Variants in GLIS1 observed in about 807,000 individuals in gnomAD.
The protein encoded by GLIS1 is GLIS family zinc finger 1.
A neutral mutation model predicts 63.8 loss-of-function variants in GLIS1; 24 were observed. The ratio of observed to expected loss-of-function variants is 0.38; its 90% CI spans 0.27 to 0.53. The LOEUF (loss-of-function observed/expected upper bound fraction) is 0.53. Ranked by LOEUF, GLIS1 falls within the 20% of genes least tolerant of loss-of-function variation. The pLI, the probability that GLIS1 is intolerant of heterozygous loss-of-function variation, is 0.85. For synonymous variants in GLIS1, 450 were observed against 482.5 expected, an observed-to-expected ratio of 0.93 and a Z score of 0.88; for missense variants, 1,036 against 1,074.1, an observed-to-expected ratio of 0.96 and a Z score of 0.50.
chr1:53,605,568 G>A (rs1338744444), intron 2 of GLIS1, among the ~76,000 whole-genome samples: 3 of 152,154 alleles, frequency 2.0e-5, no homozygotes, highest in African/African-American at 4.8e-5. Context: ...CATCACTATA[G>A]TACTCTCTAC....
chr1:53,543,825 G>C (rs1010421041), intron 4 of GLIS1, among the ~76,000 whole-genome samples: 6 of 152,086 alleles, frequency 3.9e-5, no homozygotes, highest in Non-Finnish European at 7.4e-5. Flanking sequence ...CTGCCGGCCA[G>C]GCAGGCCATC....
chr1:53,527,832 T>C lies in GLIS1; in HGVS notation c.1482+1959A>G, dbSNP rs1037082315. Among the ~76,000 whole-genome samples the C allele has an allele frequency of 9.2e-5, 14 of 152,074 alleles. 1 individual carries two copies. Among genetic ancestry groups the C allele is most frequent in the African/African-American group, 2.2e-4 (9 of 41,416 alleles). ...ACTTCCCAGGCTTCCAGGGGACCTCTTGGGGAGACGAAGGCCTGAGATAAG... is the reference window on the plus strand; with the variant it reads ...ACTTCCCAGGCTTCCAGGGGACCTCCTGGGGAGACGAAGGCCTGAGATAAG... On this transcript the variant is annotated intron_variant, in intron 5 of 10. Transcript: ENST00000628545.
At chr1:53,672,888 G>A (rs1185716847) in intron 2 of GLIS1, among the ~76,000 whole-genome samples, 1 of 152,240 alleles carries the variant, frequency 6.6e-6, no homozygotes, top group Non-Finnish European at 1.5e-5. Context: ...GCGCCCTGGA[G>A]CTGCTGTGGC....
rs536750785 is a variant in GLIS1, at chr1:53,617,382, T to G, written c.260-17104A>C. On this transcript the variant is annotated intron_variant, in intron 2 of 10. Coordinates refer to ENST00000628545, the MANE Select transcript of GLIS1 (RefSeq NM_001367484.1). ...CTAGAACATAGCTCCATTTTACATT[T>G]AAATACAAGTACTTTCTCATGGTTT... 3.3e-5 allele frequency among the ~76,000 whole-genome samples: 5 copies of G among 152,356 alleles called. No individual in the cohort carries two copies. The South Asian group carries it at 1.0e-3, about 32-fold the overall frequency.
chr1:53,604,131 G>T (rs1207280250), intron 2 of GLIS1, among the ~76,000 whole-genome samples: 1 of 152,226 alleles, frequency 6.6e-6, no homozygotes, highest in African/African-American at 2.4e-5. Flanking sequence ...CACAGTTAGT[G>T]CTTAAAAAGT....
At chr1:53,721,065 C>T (rs905926372) in intron 2 of GLIS1, among the ~76,000 whole-genome samples, 1 of 151,248 alleles carries the variant, frequency 6.6e-6, no homozygotes, top group Non-Finnish European at 1.5e-5. Context: ...AAAAGGAAAA[C>T]ACAAAAATCA....
At chr1:53,700,913 G>A (rs948579319) in intron 2 of GLIS1, among the ~76,000 whole-genome samples, 5 of 152,168 alleles carry the variant, frequency 3.3e-5, no homozygotes, top group Admixed American at 6.5e-5. Flanking sequence ...ACAGCATAAC[G>A]TTTCTAAGGC....
rs539975321 is a variant in GLIS1 at position 53,515,581 on chromosome 1, C to T, written c.1727-800G>A. Among the ~76,000 whole-genome samples the T allele has an allele frequency of 3.0e-4, 45 of 152,018 alleles. No individual in the cohort carries two copies. The South Asian group carries it at 7.7e-3, about 26-fold the overall frequency. On this transcript the variant is annotated intron_variant, in intron 7 of 10. Coordinates refer to ENST00000628545, the MANE Select transcript of GLIS1 (RefSeq NM_001367484.1). ...GCCACCTTTTATCACCTTTTACCCC[C>T]GAAAGTCTTACCCTTGTTAAGACAG...
intron 2 of GLIS1, among the ~76,000 whole-genome samples, chr1:53,635,715 A>G (rs1014121528): frequency 2.0e-5 from 3 of 152,178 alleles, no homozygotes; most frequent in Admixed American, 1.3e-4. Flanking sequence ...GACAAAGACC[A>G]CAAGAAAGAA....
intron 4 of GLIS1, among the ~76,000 whole-genome samples, chr1:53,537,403 G>T (rs998460460): frequency 2.0e-5 from 3 of 152,226 alleles, no homozygotes; most frequent in Non-Finnish European, 4.4e-5. Context: ...TCCTGGGGAA[G>T]AACCAAGGGC....
In GLIS1 at chr1:53,511,246, T is replaced by C. The variant is rs962385569; in HGVS notation, c.1884-1219A>G. Among the ~76,000 whole-genome samples the C allele has an allele frequency of 5.3e-5, 8 of 152,224 alleles. No homozygotes were observed. Among genetic ancestry groups the C allele is most frequent in the Non-Finnish European group, 1.2e-4 (8 of 68,042 alleles). On this transcript the variant is annotated intron_variant, in intron 8 of 10. Coordinates refer to ENST00000628545, the MANE Select transcript of GLIS1 (RefSeq NM_001367484.1). The surrounding 1 kb of genome is among the most constrained non-coding windows in gnomAD (Gnocchi z 4.2). ...TTGTTGGACCATCCACATTAAAATA[T>C]ACAGCGAATTCAATGTCACAGCTCC...
rs1646177676 is a variant in GLIS1 at position 53,673,472 on chromosome 1, G to A, written c.259+64334C>T. Among the ~76,000 whole-genome samples, 3 of 152,230 alleles carry A rather than the reference G, an allele frequency of 2.0e-5. 1 individual carries two copies. In the South Asian group the frequency reaches 6.2e-4, roughly 31 times the overall value. On this transcript the variant is annotated intron_variant, in intron 2 of 10. Transcript: ENST00000628545. ...CCTGACTACGCTCAGCAGCTGTGAG[G>A]TCCTGGGCAAGTCACCTCCTTCGGA...
intron 8 of GLIS1, among the ~76,000 whole-genome samples, chr1:53,512,971 C>T (rs1644313454): frequency 6.6e-6 from 1 of 152,142 alleles, no homozygotes. Context: ...CGGCCCTCAC[C>T]ACCTTCCTCA....
chr1:53,695,928 G>A (rs1199115131), intron 2 of GLIS1, among the ~76,000 whole-genome samples: 1 of 152,230 alleles, frequency 6.6e-6, no homozygotes, highest in East Asian at 1.9e-4. Context: ...AGGGGCCAGG[G>A]GCCTTTCCTG....
chr1:53,545,935 T>C (rs1016576761), intron 4 of GLIS1, among the ~76,000 whole-genome samples: 1 of 152,222 alleles, frequency 6.6e-6, no homozygotes, highest in Non-Finnish European at 1.5e-5. Context: ...AGCAAAGGGC[T>C]TTCCTCTGGA....
chr1:53,518,920 C>T (rs373897202), intron 7 of GLIS1, among the ~76,000 whole-genome samples: 84 of 152,326 alleles, frequency 5.5e-4, no homozygotes, highest in African/African-American at 2.0e-3. Context: ...CTCTGGATGA[C>T]CTTAGGTGAT....
chr1:53,551,655 C>G (rs1644760810), intron 4 of GLIS1, among the ~76,000 whole-genome samples: 1 of 23,434 alleles, frequency 4.3e-5, no homozygotes, highest in African/African-American at 2.0e-4. Context: ...GCAGAGCATG[C>G]TGGCAGTCCC....
At chr1:53,702,729 G>A (rs1013955585) in intron 2 of GLIS1, among the ~76,000 whole-genome samples, 1 of 151,576 alleles carries the variant, frequency 6.6e-6, no homozygotes. Context: ...GACAAGGTCT[G>A]CCTTGGGACC....
intron 2 of GLIS1, among the ~76,000 whole-genome samples, chr1:53,606,233 T>C (rs1301682315): frequency 6.6e-6 from 1 of 152,216 alleles, no homozygotes; most frequent in East Asian, 1.9e-4. Context: ...CAACAGCCCC[T>C]GGGGTAGACC....
Sources: allele counts gnomAD v4.1 joint callset (sites outside exome capture counted in the v4.1 genomes callset), GRCh38; gene constraint gnomAD v4.1.1; non-coding constraint Gnocchi (gnomAD v3.1); transcripts MANE v1.5; gene names NCBI Gene and HGNC (gene_info 2026-07-23, HGNC 2026-07-21).